The following ITIH5 variants were observed in gnomAD, a reference collection of about 807,000 sequenced individuals.
ITIH5 encodes inter-alpha-trypsin inhibitor heavy chain 5.
Under a neutral mutation model 77.5 loss-of-function variants are expected in ITIH5, and 65 were observed. The observed-to-expected ratio is 0.84, with a 90% CI of 0.69 to 1.03. ITIH5 has a LOEUF of 1.03. ITIH5 is among the 50% of genes least tolerant of loss of function. The pLI, the probability that ITIH5 is intolerant of heterozygous loss-of-function variation, is 0.00. For synonymous variants in ITIH5, 525 were observed against 494.3 expected, an observed-to-expected ratio of 1.06 and a Z score of -0.82; for missense variants, 1,208 against 1,213.1, an observed-to-expected ratio of 1.00 and a Z score of 0.06.
intron 5 of ITIH5, among the ~76,000 whole-genome samples, chr10:7,623,706 G>A (rs957936893): frequency 3.3e-5 from 5 of 151,532 alleles, no homozygotes; most frequent in African/African-American, 1.2e-4. Context: ...AGGAGGGTGA[G>A]GCAGGAGAAT....
Position 7,655,633 on chromosome 10 carries a change from G to C in ITIH5, c.133C>G (p.Leu45Val). ...AGATGCACCATGAATATACCTACCA[G>C]CCTCTGCAACAGTCTGACTTGCCTC... ...VPRQVRLLQRLKTKPLMTEFS... is the reference protein window; with the variant it reads ...VPRQVRLLQRVKTKPLMTEFS... Residue 45 changes from leucine to valine, a missense_variant and splice_region_variant, in exon 2 of 14, where the codon CTG (leucine) becomes GTG (valine). Leu to Val is a conservative substitution (Grantham distance 32). Transcript: ENST00000397146. The C allele has an allele frequency of 1.2e-6, 2 of 1,610,892 alleles. No homozygotes were observed. The highest frequency in any genetic ancestry group is 8.5e-7 in the Non-Finnish European group (1 of 1,177,104).
chr10:7,577,779 G>A (rs978232033), intron 9 of ITIH5, among the ~76,000 whole-genome samples: 33 of 152,202 alleles, frequency 2.2e-4, no homozygotes. Context: ...CTTGGGACAT[G>A]TGACTTAACC....
chr10:7,604,975 C>T (rs1391308608), intron 7 of ITIH5, among the ~76,000 whole-genome samples: 2 of 152,088 alleles, frequency 1.3e-5, no homozygotes, highest in Non-Finnish European at 1.5e-5. Context: ...GTGCCCACCA[C>T]CACACCCAGC....
intron 2 of ITIH5, among the ~76,000 whole-genome samples, chr10:7,654,659 ACAT>A (rs1834151646): frequency 6.6e-6 from 1 of 152,242 alleles, no homozygotes; most frequent in African/African-American, 2.4e-5. Context: ...GGAATGGCAC[ACAT>A]GCTTTGACTA....
Position 7,576,514 on chromosome 10 carries a change from C to T in ITIH5, c.1917G>A (p.Met639Ile). The change falls in exon 10 of 14, where the codon ATG (methionine) becomes ATA (isoleucine). Residue 639 changes from methionine (M) to isoleucine (I), a missense_variant. Transcript: ENST00000397146. ...RMDGLEEAHG[M>I]SAAMGPEPVV... ...CCGGTTCGGGTCCCATGGCAGCCGA[C>T]ATGCCGTGGGCCTCCTCCAGGCCAT... The T allele has an allele frequency of 6.2e-7, 1 of 1,611,662 alleles. No individual in the cohort carries two copies. The highest frequency in any genetic ancestry group is 8.5e-7 in the Non-Finnish European group (1 of 1,179,924).
rs1429738194 is a variant in ITIH5 at position 7,560,422 on chromosome 10, C to T, written c.*2661G>A. On this transcript the variant is annotated 3_prime_UTR_variant, in exon 14 of 14. Coordinates refer to ENST00000397146, the MANE Select transcript of ITIH5 (RefSeq NM_030569.7). The stretch of plus-strand genomic sequence containing the variant: ...TACTCCCTAGAGAAACACAGAGGTG[C>T]CCACTCCGATTCCCAGTCCCCGGCC... The T allele has an allele frequency of 1.3e-5, 2 of 152,230 alleles. No homozygotes were observed. Among genetic ancestry groups the T allele is most frequent in the Non-Finnish European group, 2.9e-5 (2 of 68,060 alleles). 9.4% of individuals were successfully genotyped at this position (152,230 alleles called of 1,614,324 possible).
chr10:7,658,804 C>T (rs1471509159), intron 1 of ITIH5, among the ~76,000 whole-genome samples: 3 of 151,982 alleles, frequency 2.0e-5, no homozygotes, highest in Non-Finnish European at 4.4e-5. Flanking sequence ...GCAGATGAAG[C>T]CCCCAGGTAG....
chr10:7,636,885 C>T (rs985392005), intron 5 of ITIH5, among the ~76,000 whole-genome samples: 6 of 151,972 alleles, frequency 3.9e-5, no homozygotes, highest in Non-Finnish European at 8.8e-5. Context: ...AACCCCGTCT[C>T]GACTAAAAAT....
chr10:7,564,345 T>C lies in ITIH5; in HGVS notation c.2528-961A>G, dbSNP rs140789534. On this transcript the variant is annotated intron_variant, in intron 13 of 13. Coordinates refer to ENST00000397146, the MANE Select transcript of ITIH5 (RefSeq NM_030569.7). ...AGTAATCGAATTTTCATATTACATA[T>C]GTAATTTTCATGTTACATATATAGT... 3.9e-4 allele frequency among the ~76,000 whole-genome samples: 59 copies of C among 152,380 alleles called. No individual in the cohort carries two copies. In the Middle Eastern group the frequency reaches 0.01, roughly 26 times the overall value.
intron 1 of ITIH5, among the ~76,000 whole-genome samples, chr10:7,659,942 G>T (rs1834249341): frequency 6.6e-6 from 1 of 152,190 alleles, no homozygotes; most frequent in African/African-American, 2.4e-5. Flanking sequence ...AACGAGGGGT[G>T]GAGTCTGGCT....
At chr10:7,600,618 T>G (rs1832995211) in intron 7 of ITIH5, 2 of 456,582 alleles carry the variant, frequency 4.4e-6, no homozygotes, top group African/African-American at 4.0e-5. Flanking sequence ...ATTTGGTTAA[T>G]CAGAACATCC....
At chr10:7,579,669 G>A in intron 9 of ITIH5, 86 bp downstream of exon 9, 1 of 1,352,744 alleles carries the variant, frequency 7.4e-7, no homozygotes, top group Admixed American at 1.7e-5. Flanking sequence ...CTGGGGTGCA[G>A]CAACACACTC....
At chr10:7,628,717 TAGCGTGTGTCCATGTTGC>T (rs1209535810) in intron 5 of ITIH5, among the ~76,000 whole-genome samples, 7,041 of 132,658 alleles carry the variant, frequency 0.053, 479 homozygotes, top group African/African-American at 0.17. Context: ...GTCCATGTTG[TAGCGTGTGTCCATGTTGC>T]AGCGTGTGTC....
chr10:7,619,937 G>A (rs772999160), intron 5 of ITIH5: 1 of 152,464 alleles, frequency 6.6e-6, no homozygotes, highest in Non-Finnish European at 1.5e-5. Context: ...AGCACTTTGG[G>A]AGGCTGAGGC....
chr10:7,640,754 C>G lies in ITIH5; in HGVS notation c.401G>C (p.Gly134Ala). 3 of 1,595,926 alleles carry G rather than the reference C, an allele frequency of 1.9e-6. No homozygotes were observed. The highest frequency in any genetic ancestry group is 2.6e-6 in the Non-Finnish European group (3 of 1,163,916). ...AATTCCTTAATTAACCAATACTTAC[C>G]CATTTTCTTCTGTGGTTTTATTCCT... ...EKRNKTTEEN[G>A]EKGTEIFRAS... is the part of the protein sequence containing the mutation. The change falls in exon 4 of 14, where the codon GGA becomes GCA. Residue 134 changes from glycine to alanine, a missense_variant and splice_region_variant. Transcript: ENST00000397146.
In ITIH5 at chr10:7,650,145, C is replaced by T. The variant is rs549789065; in HGVS notation, c.135+5486G>A. 5.3e-5 allele frequency among the ~76,000 whole-genome samples: 8 copies of T among 152,268 alleles called. No homozygotes were observed. The East Asian group carries it at 1.5e-3, about 29-fold the overall frequency. ...GTGAGGCACTTAAAATCAAGCCACC[C>T]GAGGATGTCCTGAGTCACCCAAGAT... On this transcript the variant is annotated intron_variant, in intron 2 of 13. Coordinates refer to ENST00000397146, the MANE Select transcript of ITIH5 (RefSeq NM_030569.7).
In ITIH5 at chr10:7,645,365, C is replaced by T. The variant is rs148505117; in HGVS notation, c.136-3275G>A. On this transcript the variant is annotated intron_variant, in intron 2 of 13. Transcript: ENST00000397146. The stretch of plus-strand genomic sequence containing the variant: ...GTAGCGCTTCTCAAAGTGTGGTCCT[C>T]GGACCAGCAGCATCACCATCACCTG... Among the ~76,000 whole-genome samples, 70 of 152,210 alleles carry T rather than the reference C, an allele frequency of 4.6e-4. 1 individual carries two copies. In the Middle Eastern group the frequency reaches 0.014, roughly 30 times the overall value.
intron 7 of ITIH5, among the ~76,000 whole-genome samples, chr10:7,610,226 G>A (rs1483700935): frequency 1.3e-5 from 2 of 151,966 alleles, no homozygotes; most frequent in African/African-American, 2.4e-5. Context: ...GCAAAGCCAC[G>A]TGCCAGCAAA....
At chr10:7,612,500 A>T (rs373178692) in intron 7 of ITIH5, among the ~76,000 whole-genome samples, 7 of 152,192 alleles carry the variant, frequency 4.6e-5, no homozygotes, top group Non-Finnish European at 7.4e-5. Context: ...ATGCCATAAG[A>T]TATATTCATA....
Sources: allele counts gnomAD v4.1 joint callset (sites outside exome capture counted in the v4.1 genomes callset), GRCh38; gene constraint gnomAD v4.1.1; transcripts MANE v1.5; gene names NCBI Gene and HGNC (gene_info 2026-07-23, HGNC 2026-07-21).